CGNL1: variants seen among roughly 807,000 people sequenced by gnomAD.
The protein encoded by CGNL1 is cingulin like 1.
A neutral mutation model predicts 141.2 loss-of-function variants in CGNL1; 132 were observed. That is an observed-to-expected ratio of 0.93 (90% CI 0.81 to 1.08). The LOEUF (loss-of-function observed/expected upper bound fraction) is 1.08, where lower values mean the gene tolerates loss of function less well. Ranked by LOEUF, CGNL1 falls within the 50% of genes least tolerant of loss-of-function variation. The probability of loss-of-function intolerance (pLI) is 0.00; values close to 1 mark genes in which losing one functional copy is unlikely to be tolerated. For missense variants in CGNL1, 1,870 were observed against 1,588.6 expected (o/e 1.18, Z -3.01); for synonymous variants, 690 against 622.1 (o/e 1.11, Z -1.63).
intron 1 of CGNL1, among the ~76,000 whole-genome samples, chr15:57,407,532 G>C (rs1000107671): frequency 6.6e-5 from 10 of 151,826 alleles, no homozygotes; most frequent in African/African-American, 2.4e-4. Context: ...AAAATAACCG[G>C]GCGTGGTGTG....
At chr15:57,485,946 A>G (rs1032968056) in intron 8 of CGNL1, among the ~76,000 whole-genome samples, 1 of 152,186 alleles carries the variant, frequency 6.6e-6, no homozygotes, top group Non-Finnish European at 1.5e-5. Context: ...ATAGTCTAGC[A>G]TTGGCCCCTA....
chr15:57,378,569 G>A (rs573456103), intron 1 of CGNL1, among the ~76,000 whole-genome samples: 1 of 151,710 alleles, frequency 6.6e-6, no homozygotes, highest in East Asian at 1.9e-4. Context: ...TTTTAGTAGA[G>A]ACAGGGTTTC....
At chr15:57,528,232 G>A (rs1291112035) in intron 12 of CGNL1, among the ~76,000 whole-genome samples, 1 of 151,782 alleles carries the variant, frequency 6.6e-6, no homozygotes, top group African/African-American at 2.4e-5. Flanking sequence ...ACACCAGCCT[G>A]GGCAACAAAG....
intron 8 of CGNL1, among the ~76,000 whole-genome samples, chr15:57,515,544 G>A (rs1456409550): frequency 6.6e-6 from 1 of 152,188 alleles, no homozygotes; most frequent in Admixed American, 6.5e-5. Flanking sequence ...TTGTAGGCAT[G>A]AGATTTGCTG....
intron 8 of CGNL1, among the ~76,000 whole-genome samples, chr15:57,471,504 A>C (rs923383359): frequency 6.6e-6 from 1 of 152,204 alleles, no homozygotes; most frequent in Admixed American, 6.5e-5. Context: ...ATGACTCAAA[A>C]TCACAGCAAA....
intron 10 of CGNL1, among the ~76,000 whole-genome samples, chr15:57,522,126 A>C (rs914390703): frequency 6.6e-6 from 1 of 152,014 alleles, no homozygotes; most frequent in African/African-American, 2.4e-5. Flanking sequence ...TCCCCCCCAC[A>C]CTGAACTTCT....
At chr15:57,389,018 A>T (rs2062513905) in intron 1 of CGNL1, among the ~76,000 whole-genome samples, 1 of 152,074 alleles carries the variant, frequency 6.6e-6, no homozygotes, top group African/African-American at 2.4e-5. Flanking sequence ...GTCAAACTAT[A>T]GAGAGGTGTT....
intron 1 of CGNL1, among the ~76,000 whole-genome samples, chr15:57,384,775 AG>A (rs1457890508): frequency 1.3e-5 from 2 of 152,228 alleles, no homozygotes; most frequent in Non-Finnish European, 2.9e-5. Context: ...GGTAGAAAAT[AG>A]GTGCTCAATA....
rs1208333433 is a variant in CGNL1, at chr15:57,438,584, T to C, written c.585T>C (p.Pro195=). The C allele has an allele frequency of 1.9e-6, 3 of 1,613,686 alleles. No homozygotes were observed. The highest frequency in any genetic ancestry group is 2.5e-6 in the Non-Finnish European group (3 of 1,180,010). ...NKKPWTCFPK[P]SNSQPTSPSL... Reference sequence around the variant, plus strand: ...AGCCTTGGACTTGCTTTCCCAAACCTAGCAATTCCCAGCCTACCAGTCCCT... The same window carrying C: ...AGCCTTGGACTTGCTTTCCCAAACCCAGCAATTCCCAGCCTACCAGTCCCT... Residue 195 remains proline, a synonymous_variant, in exon 2 of 19, where the codon CCT becomes CCC. Coordinates refer to ENST00000281282, the MANE Select transcript of CGNL1 (RefSeq NM_032866.5).
At chr15:57,442,051 A>G (rs1364259637) in intron 3 of CGNL1, among the ~76,000 whole-genome samples, 1 of 152,110 alleles carries the variant, frequency 6.6e-6, no homozygotes, top group Non-Finnish European at 1.5e-5. Context: ...TGAGCATTTG[A>G]ATCAAACAAC....
At chr15:57,495,596 T>A (rs1203201482) in intron 8 of CGNL1, among the ~76,000 whole-genome samples, 2 of 152,206 alleles carry the variant, frequency 1.3e-5, no homozygotes, top group Admixed American at 6.5e-5. Context: ...CCCTAGGGAC[T>A]CTCCGTCTAG....
At chr15:57,427,603 T>A (rs1324894241) in intron 1 of CGNL1, among the ~76,000 whole-genome samples, 1 of 152,274 alleles carries the variant, frequency 6.6e-6, no homozygotes, top group Non-Finnish European at 1.5e-5. Context: ...TAATTTTCCC[T>A]GATTGGATCT....
chr15:57,435,274 T>G (rs148491907), intron 1 of CGNL1, among the ~76,000 whole-genome samples: 194 of 152,236 alleles, frequency 1.3e-3, no homozygotes, highest in African/African-American at 4.5e-3. Flanking sequence ...ATTGGTAGGT[T>G]AGCCAAGTGA....
intron 8 of CGNL1, among the ~76,000 whole-genome samples, chr15:57,463,836 A>G (rs1256639520): frequency 6.6e-6 from 1 of 152,170 alleles, no homozygotes; most frequent in Non-Finnish European, 1.5e-5. Context: ...CCATCTGAAC[A>G]GGCTGTTGTC....
chr15:57,447,668 A>T (rs1305235241), intron 4 of CGNL1, among the ~76,000 whole-genome samples: 2 of 152,086 alleles, frequency 1.3e-5, no homozygotes, highest in Non-Finnish European at 2.9e-5. Context: ...GATTTGAAAA[A>T]TTCTTGGCTA....
intron 1 of CGNL1, among the ~76,000 whole-genome samples, chr15:57,419,053 T>G (rs1401412445): frequency 1.3e-5 from 2 of 152,090 alleles, no homozygotes; most frequent in African/African-American, 4.8e-5. Flanking sequence ...TGCCTCAGCC[T>G]CCTGAGTAAC....
chr15:57,543,794 CCTGTGAG>C lies in CGNL1; in HGVS notation c.3375+19_3375+25del. The C allele has an allele frequency of 6.2e-7, 1 of 1,602,804 alleles. No individual in the cohort carries two copies. The highest frequency in any genetic ancestry group is 8.5e-7 in the Non-Finnish European group (1 of 1,170,058). On this transcript the variant is annotated intron_variant, in intron 15 of 18. Transcript: ENST00000281282. Reference sequence around the variant, plus strand: ...TGGAGAGGCAGGTGAGGGCAGCCAGCCTGTGAGCTGCCCCCCCGTCCATCCGCTAACC... The same window carrying C: ...TGGAGAGGCAGGTGAGGGCAGCCAGCCTGCCCCCCCGTCCATCCGCTAACC...
At chr15:57,546,741 T>C (rs16977593) in intron 18 of CGNL1, among the ~76,000 whole-genome samples, 17,534 of 152,112 alleles carry the variant, frequency 0.12, 1,044 homozygotes, top group Middle Eastern at 0.21. Context: ...GGGTTGCTTT[T>C]TCTGCTCTAG....
chr15:57,473,969 G>C (rs1269686700), intron 8 of CGNL1, among the ~76,000 whole-genome samples: 1 of 141,694 alleles, frequency 7.1e-6, no homozygotes. Flanking sequence ...GAGTGCAGTG[G>C]TGTGATCTTG....
Sources: gnomAD v4.1 joint callset for allele counts (sites outside exome capture counted in the v4.1 genomes callset) on GRCh38, gnomAD v4.1.1 for gene constraint, MANE v1.5 for transcripts, NCBI Gene and HGNC (gene_info 2026-07-23, HGNC 2026-07-21) for gene names.